Variants in UBXN4 observed in about 807,000 individuals in gnomAD.
The protein encoded by UBXN4 is UBX domain-containing protein 4.
A neutral mutation model predicts 66.2 loss-of-function variants in UBXN4; 35 were observed. That is an observed-to-expected ratio of 0.53 (90% CI 0.40 to 0.70). The LOEUF is 0.70. Among genes scored for constraint, UBXN4 ranks in the 30% least tolerant of loss-of-function variants. The pLI, the probability that UBXN4 is intolerant of heterozygous loss-of-function variation, is 0.00. For missense variants in UBXN4, 533 were observed against 599.8 expected (o/e 0.89, Z 1.16); for synonymous variants, 203 against 204.5 (o/e 0.99, Z 0.06).
intron 7 of UBXN4, among the ~76,000 whole-genome samples, chr2:135,770,126 A>AT (rs2077374121): frequency 6.6e-6 from 1 of 152,158 alleles, no homozygotes; most frequent in Non-Finnish European, 1.5e-5. Flanking sequence ...GTTTTAGTTC[A>AT]TTTTTGTGAA....
chr2:135,774,024 T>C (rs1411310508), intron 9 of UBXN4, among the ~76,000 whole-genome samples: 2 of 152,162 alleles, frequency 1.3e-5, no homozygotes, highest in Non-Finnish European at 2.9e-5. Flanking sequence ...CCATAAATTA[T>C]AAACCTAAAA....
At chr2:135,772,655 C>T in intron 9 of UBXN4, 108 bp downstream of exon 9, 1 of 1,371,724 alleles carries the variant, frequency 7.3e-7, no homozygotes. Flanking sequence ...CAGTCCATTC[C>T]AGAGGGACAT....
Position 135,754,218 on chromosome 2 carries a change from G to T in UBXN4, c.274G>T (p.Val92Leu). Residue 92 changes from valine to leucine, a missense_variant, in exon 4 of 13, where the codon GTA becomes TTA. Coordinates refer to ENST00000272638, the MANE Select transcript of UBXN4 (RefSeq NM_014607.4). ...FIGDSGIPLE[V>L]IAGSVSADEL... ...TGGAGACAGTGGAATTCCCTTGGAA[G>T]TAATAGCAGGAAGTGTTTCTGCAGA... 6.2e-7 allele frequency: 1 copy of T among 1,614,170 alleles called. No homozygotes were observed. Among genetic ancestry groups the T allele is most frequent in the Non-Finnish European group, 8.5e-7 (1 of 1,180,004 alleles).
intron 8 of UBXN4, among the ~76,000 whole-genome samples, chr2:135,771,941 C>T (rs1202093397): frequency 6.6e-6 from 1 of 152,110 alleles, no homozygotes; most frequent in East Asian, 1.9e-4. Context: ...TTCCTTGTTT[C>T]CTTAATAATA....
intron 4 of UBXN4, among the ~76,000 whole-genome samples, chr2:135,755,296 G>T (rs192868648): frequency 1.3e-5 from 2 of 152,320 alleles, no homozygotes; most frequent in East Asian, 3.8e-4. Flanking sequence ...AAAATCAATA[G>T]TGTGCTTTAA....
At chr2:135,745,836 T>C (rs1342887097) in intron 1 of UBXN4, among the ~76,000 whole-genome samples, 1 of 151,496 alleles carries the variant, frequency 6.6e-6, no homozygotes, top group African/African-American at 2.4e-5. Context: ...GCATTCTTAA[T>C]GGAGCATTTG....
At chr2:135,774,002 G>C (rs193066371) in intron 9 of UBXN4, among the ~76,000 whole-genome samples, 373 of 152,208 alleles carry the variant, frequency 2.5e-3, no homozygotes, top group Non-Finnish European at 3.6e-3. Flanking sequence ...CAAAATTCCA[G>C]CTGGCTTTTT....
At chr2:135,775,088 C>T (rs1411256401) in intron 9 of UBXN4, among the ~76,000 whole-genome samples, 1 of 152,114 alleles carries the variant, frequency 6.6e-6, no homozygotes, top group Non-Finnish European at 1.5e-5. Flanking sequence ...CAAGTCAGAA[C>T]CACAATGAGA....
At chr2:135,755,019 A>G (rs2077271364) in intron 4 of UBXN4, among the ~76,000 whole-genome samples, 1 of 151,132 alleles carries the variant, frequency 6.6e-6, no homozygotes, top group African/African-American at 2.4e-5. Context: ...CCTGACCTCA[A>G]GTGATCTGCC....
At chr2:135,753,682 T>C in intron 3 of UBXN4, 115 bp downstream of exon 3, 1 of 957,730 alleles carries the variant, frequency 1.0e-6, no homozygotes, top group Non-Finnish European at 1.5e-6. Flanking sequence ...CATTCTTTTT[T>C]ATGGAAACTT....
intron 1 of UBXN4, chr2:135,742,612 G>A (rs748514623): frequency 2.0e-5 from 3 of 152,400 alleles, no homozygotes; most frequent in Non-Finnish European, 4.4e-5. Flanking sequence ...CGGGCCATTA[G>A]GCAAGCAGTT....
At chr2:135,782,502 A>G (rs745571121) in intron 12 of UBXN4, among the ~76,000 whole-genome samples, 2 of 152,206 alleles carry the variant, frequency 1.3e-5, no homozygotes, top group Non-Finnish European at 1.5e-5. Context: ...AAGAAACACA[A>G]TGGAAATGGA....
intron 5 of UBXN4, among the ~76,000 whole-genome samples, chr2:135,759,167 C>T (rs1231743986): frequency 1.3e-5 from 2 of 152,144 alleles, no homozygotes; most frequent in Non-Finnish European, 2.9e-5. Context: ...ATTATTTGCT[C>T]GGTTTTTGTT....
Position 135,754,244 on chromosome 2 carries a change from T to C in UBXN4, c.300T>C (p.Asp100=), listed in dbSNP as rs1454478818. 2.5e-6 allele frequency: 4 copies of C among 1,614,000 alleles called. No homozygotes were observed. The Admixed American group carries it at 5.0e-5, about 20-fold the overall frequency. The part of the protein sequence containing the change: ...LEVIAGSVSA[D]ELVTRIHKVR... ...TAATAGCAGGAAGTGTTTCTGCAGA[T>C]GAACTTGTTACAAGAATTCACAAGG... is the stretch of plus-strand genomic sequence containing the variant. Residue 100 remains aspartate, a synonymous_variant, in exon 4 of 13, where the codon GAT becomes GAC. Coordinates refer to ENST00000272638, the MANE Select transcript of UBXN4 (RefSeq NM_014607.4).
intron 7 of UBXN4, 58 bp downstream of exon 7, chr2:135,769,881 T>TTGAG (rs2105504618): frequency 6.6e-7 from 1 of 1,505,816 alleles, no homozygotes; most frequent in Non-Finnish European, 9.0e-7. Context: ...TTGTGATTGA[T>TTGAG]TATTCTATTC....
At chr2:135,773,744 T>C (rs1455507733) in intron 9 of UBXN4, among the ~76,000 whole-genome samples, 1 of 152,246 alleles carries the variant, frequency 6.6e-6, no homozygotes, top group Non-Finnish European at 1.5e-5. Flanking sequence ...TATTTCCATA[T>C]TGGACAGTTA....
At chr2:135,756,120 AG>A (rs1452453363) in intron 5 of UBXN4, among the ~76,000 whole-genome samples, 1 of 152,130 alleles carries the variant, frequency 6.6e-6, no homozygotes, top group Non-Finnish European at 1.5e-5. Context: ...TAGAGGTAAA[AG>A]ATAATTATGA....
At chr2:135,767,770 A>G (rs2077357111) in intron 6 of UBXN4, among the ~76,000 whole-genome samples, 1 of 152,204 alleles carries the variant, frequency 6.6e-6, no homozygotes. Context: ...TTTTGGGCAT[A>G]TATATGAAGA....
chr2:135,767,220 G>A (rs947458515), intron 6 of UBXN4, among the ~76,000 whole-genome samples: 3 of 152,118 alleles, frequency 2.0e-5, no homozygotes, highest in African/African-American at 4.8e-5. Context: ...AATTAGCTGG[G>A]CGTGGGGGTG....
Sources: gnomAD v4.1 joint callset for allele counts (sites outside exome capture counted in the v4.1 genomes callset) on GRCh38, gnomAD v4.1.1 for gene constraint, MANE v1.5 for transcripts, NCBI Gene and HGNC (gene_info 2026-07-23, HGNC 2026-07-21) for gene names.